Variants in SDR16C5 observed in about 807,000 individuals in gnomAD.
SDR16C5 encodes short chain dehydrogenase/reductase family 16C member 5, also known as epidermal retinol dehydrogenase 2.
A neutral mutation model predicts 27.7 loss-of-function variants in SDR16C5; 20 were observed. The ratio of observed to expected loss-of-function variants is 0.72; its 90% CI spans 0.51 to 1.05. SDR16C5 has a LOEUF of 1.05. Among genes scored for constraint, SDR16C5 ranks in the 50% least tolerant of loss-of-function variants. The probability of loss-of-function intolerance (pLI) is 0.00; values close to 1 mark genes in which losing one functional copy is unlikely to be tolerated. For synonymous variants in SDR16C5, 139 were observed against 132.3 expected (o/e 1.05, Z -0.35); for missense variants, 374 against 366.3 (o/e 1.02, Z -0.17).
At position 56,306,823 on chromosome 8, in the gene SDR16C5, G is replaced by A. The variant is rs761862242; in HGVS notation, c.566-3C>T. On this transcript the variant is annotated splice_polypyrimidine_tract_variant and splice_region_variant and intron_variant, in intron 4 of 6. Transcript: ENST00000303749. ...TGCAAATTTACTTGCACAGTAATCT[G>A]AAAAAGACAAAGCATGATAACGTAT... The A allele has an allele frequency of 6.2e-7, 1 of 1,607,390 alleles. No individual in the cohort carries two copies. The highest frequency in any genetic ancestry group is 1.3e-5 in the African/African-American group (1 of 74,566).
At chr8:56,306,105 CAT>C (rs1302287911) in intron 5 of SDR16C5, among the ~76,000 whole-genome samples, 1 of 152,158 alleles carries the variant, frequency 6.6e-6, no homozygotes, top group Admixed American at 6.5e-5. Context: ...CAAAAATTCA[CAT>C]GTTGAAGCCT....
rs949874056 is a variant in SDR16C5 at position 56,316,291 on chromosome 8, C to T, written c.57G>A (p.Leu19=). 3 of 1,613,888 alleles carry T rather than the reference C, an allele frequency of 1.9e-6. No homozygotes were observed. The African/African-American group carries it at 4.0e-5, about 22-fold the overall frequency. Residue 19 remains leucine, a synonymous_variant, in exon 2 of 7, where the codon CTG becomes CTA. Transcript: ENST00000303749. ...KKLFIFLGKS[L]FSLLEAMIFA... Reference sequence around the variant, plus strand: ...AAATCATAGCCTCCAGAAGACTAAACAGTGATTTTCCTAAGAAAATGAACA... The same window carrying T: ...AAATCATAGCCTCCAGAAGACTAAATAGTGATTTTCCTAAGAAAATGAACA...
chr8:56,302,973 C>A (rs886673481), intron 6 of SDR16C5, among the ~76,000 whole-genome samples: 2 of 151,098 alleles, frequency 1.3e-5, no homozygotes, highest in African/African-American at 4.9e-5. Context: ...CAGAACAAGA[C>A]CTTGTCTCCA....
At chr8:56,317,222 T>C (rs1815222200) in intron 1 of SDR16C5, among the ~76,000 whole-genome samples, 1 of 152,084 alleles carries the variant, frequency 6.6e-6, no homozygotes, top group Non-Finnish European at 1.5e-5. Context: ...ATGCCTGGCT[T>C]ATAGTCAGTG....
chr8:56,301,140 G>T lies in SDR16C5; in HGVS notation c.*340C>A, dbSNP rs909623308. The T allele has an allele frequency of 4.5e-6, 1 of 220,096 alleles. No individual in the cohort carries two copies. Among genetic ancestry groups the T allele is most frequent in the Non-Finnish European group, 9.1e-6 (1 of 109,494 alleles). 13.6% of individuals were successfully genotyped at this position (220,096 alleles called of 1,614,324 possible). ...TCCCCAAGGCAGGTCAACCACAGCC[G>T]CTGGCTCCATTTGAGCCACCTCCCC... On this transcript the variant is annotated 3_prime_UTR_variant, in exon 7 of 7. Transcript: ENST00000303749.
rs1475923983 is a variant in SDR16C5, at chr8:56,301,377, G to A, written c.*103C>T. On this transcript the variant is annotated 3_prime_UTR_variant, in exon 7 of 7. Transcript: ENST00000303749. ...ATAACAGAATAGGAGTGGTACTTGTGGTCTCCAGATATATTCCACTGTCAG... is the reference window on the plus strand; with the variant it reads ...ATAACAGAATAGGAGTGGTACTTGTAGTCTCCAGATATATTCCACTGTCAG... 2 of 751,530 alleles carry A rather than the reference G, an allele frequency of 2.7e-6. No individual in the cohort carries two copies. The highest frequency in any genetic ancestry group is 2.4e-4 in the Middle Eastern group (1 of 4,222). The allele number at this position is 751,530 out of a possible 1,614,324, so 46.6% of individuals were successfully genotyped here.
In SDR16C5 at chr8:56,305,599, T is replaced by G; in HGVS notation, c.834A>C (p.Lys278Asn). The change falls in exon 6 of 7, where the codon AAA (lysine) becomes AAC (asparagine). Residue 278 changes from lysine to asparagine, a missense_variant and splice_region_variant. Coordinates refer to ENST00000303749, the MANE Select transcript of SDR16C5 (RefSeq NM_138969.4). ...PKLLYFMMFL[K>N]SFLPLKTGLL... ...GTAATAGAAGCTGATGTAATTACCT[T>G]TTAAGAAACATCATGAAGTATAACA... 1 of 1,582,862 alleles carries G rather than the reference T, an allele frequency of 6.3e-7. No homozygotes were observed.
rs756956799 is a variant in SDR16C5, at chr8:56,301,441, A to C, written c.*39T>G. 7.2e-7 allele frequency: 1 copy of C among 1,396,598 alleles called. No individual in the cohort carries two copies. Among genetic ancestry groups the C allele is most frequent in the Non-Finnish European group, 1.0e-6 (1 of 981,876 alleles). The allele number at this position is 1,396,598 out of a possible 1,614,324, so 86.5% of individuals were successfully genotyped here. On this transcript the variant is annotated 3_prime_UTR_variant, in exon 7 of 7. Coordinates refer to ENST00000303749, the MANE Select transcript of SDR16C5 (RefSeq NM_138969.4). ...TCTTCATTGAAGTACGCATTATGTAACACTGTGTATCAGATGACCTTAGCC... is the reference window on the plus strand; with the variant it reads ...TCTTCATTGAAGTACGCATTATGTACCACTGTGTATCAGATGACCTTAGCC...
chr8:56,301,261 G>GAA lies in SDR16C5; in HGVS notation c.*217_*218dup. 1 of 426,654 alleles carries GAA rather than the reference G, an allele frequency of 2.3e-6. No homozygotes were observed. Among genetic ancestry groups the GAA allele is most frequent in the Non-Finnish European group, 4.2e-6 (1 of 237,892 alleles). 26.4% of individuals were successfully genotyped at this position (426,654 alleles called of 1,614,324 possible). On this transcript the variant is annotated 3_prime_UTR_variant, in exon 7 of 7. Coordinates refer to ENST00000303749, the MANE Select transcript of SDR16C5 (RefSeq NM_138969.4). ...CAAAAATGGGCTGTCTTTATTTTTG[G>GAA]AAAAAAAAAGAAAAAGAAAAAACCA...
Position 56,313,257 on chromosome 8 carries a change from T to C in SDR16C5, c.334-969A>G, listed in dbSNP as rs141191089. Among the ~76,000 whole-genome samples, 131 of 152,358 alleles carry C rather than the reference T, an allele frequency of 8.6e-4. 1 individual carries two copies. Among genetic ancestry groups the C allele is most frequent in the African/African-American group, 3.0e-3 (126 of 41,582 alleles). On this transcript the variant is annotated intron_variant, in intron 2 of 6. Transcript: ENST00000303749. Reference sequence around the variant, plus strand: ...AATATGATGGGACATAAGAATAGCTTCATTATAGCCAAATGTGACATAGAT... The same window carrying C: ...AATATGATGGGACATAAGAATAGCTCCATTATAGCCAAATGTGACATAGAT...
At chr8:56,309,497 ATT>A (rs1814970263) in intron 3 of SDR16C5, 1 of 985,134 alleles carries the variant, frequency 1.0e-6, no homozygotes, top group Admixed American at 6.2e-5. Flanking sequence ...CTCATCTCTT[ATT>A]TTTGTTCCAT....
intron 1 of SDR16C5, among the ~76,000 whole-genome samples, chr8:56,317,264 A>G (rs58163648): frequency 0.025 from 3,759 of 152,232 alleles, 174 homozygotes; most frequent in African/African-American, 0.086. Flanking sequence ...TCTCAGATTC[A>G]TAGTGCTGCC....
At chr8:56,316,382 A>T (rs759340134) in intron 1 of SDR16C5, 21 bp from the exon 2 acceptor site, 1 of 1,466,518 alleles carries the variant, frequency 6.8e-7, no homozygotes, top group Non-Finnish European at 9.5e-7. Flanking sequence ...AGACAGATTC[A>T]CATGAAGACT....
intron 3 of SDR16C5, among the ~76,000 whole-genome samples, chr8:56,311,634 G>A: frequency 6.6e-6 from 1 of 152,092 alleles, no homozygotes; most frequent in East Asian, 1.9e-4. Context: ...GTTACCAGTG[G>A]AACCTCTAAT....
chr8:56,301,100 G>A lies in SDR16C5; in HGVS notation c.*380C>T, dbSNP rs930265856. Reference sequence around the variant, plus strand: ...GGCTGGATATCCACATGTCCTCTTCGCCCCTCAGCCCTGCTCCCCAAGGCA... The same window carrying A: ...GGCTGGATATCCACATGTCCTCTTCACCCCTCAGCCCTGCTCCCCAAGGCA... On this transcript the variant is annotated 3_prime_UTR_variant, in exon 7 of 7. Coordinates refer to ENST00000303749, the MANE Select transcript of SDR16C5 (RefSeq NM_138969.4). 26 of 178,844 alleles carry A rather than the reference G, an allele frequency of 1.5e-4. No homozygotes were observed. The highest frequency in any genetic ancestry group is 2.4e-4 in the Non-Finnish European group (20 of 84,290). 11.1% of individuals were successfully genotyped at this position (178,844 alleles called of 1,614,324 possible). A position where few individuals can be genotyped will look rare whatever the true frequency, so the allele number is the denominator to read the frequency against.
At chr8:56,309,320 A>T (rs568712986) in intron 3 of SDR16C5, 2 of 985,378 alleles carry the variant, frequency 2.0e-6, no homozygotes, top group South Asian at 9.4e-5. Context: ...TGAAGGAGTA[A>T]ATCTTTGTTG....
chr8:56,303,963 G>A (rs1243450208), intron 6 of SDR16C5: 7 of 702,800 alleles, frequency 1.0e-5, no homozygotes, highest in Admixed American at 4.0e-5. Context: ...CACGCTCAGA[G>A]TCACAGACTT....
intron 3 of SDR16C5, chr8:56,309,229 C>A (rs1173876211): frequency 1.2e-6 from 1 of 842,284 alleles, no homozygotes; most frequent in Non-Finnish European, 1.4e-6. Context: ...TATGGCAATT[C>A]CAGTATTATT....
chr8:56,318,109 T>C (rs1400483162), intron 1 of SDR16C5, among the ~76,000 whole-genome samples: 1 of 152,034 alleles, frequency 6.6e-6, no homozygotes, highest in Non-Finnish European at 1.5e-5. Flanking sequence ...ATCCAAATGA[T>C]GATGGTGGGA....
Sources: allele counts gnomAD v4.1 joint callset (sites outside exome capture counted in the v4.1 genomes callset), GRCh38; gene constraint gnomAD v4.1.1; transcripts MANE v1.5; gene names NCBI Gene and HGNC (gene_info 2026-07-23, HGNC 2026-07-21).